TDRD3: variants seen among roughly 807,000 people sequenced by gnomAD.
TDRD3 encodes tudor domain-containing protein 3.
TDRD3 carries 45 observed loss-of-function variants against 86.7 expected under a neutral mutation model. That is an observed-to-expected ratio of 0.52 (90% CI 0.41 to 0.67). TDRD3 has a LOEUF of 0.67. Ranked by LOEUF, TDRD3 falls within the 30% of genes least tolerant of loss-of-function variation. TDRD3 has a pLI of 0.00. For missense variants in TDRD3, 814 were observed against 889.0 expected, an observed-to-expected ratio of 0.92 and a Z score of 1.07; for synonymous variants, 298 against 301.7, an observed-to-expected ratio of 0.99 and a Z score of 0.13.
Position 60,529,142 on chromosome 13 carries a change from A to G in TDRD3, c.1917A>G (p.Ser639=), listed in dbSNP as rs534400169. The change falls in exon 11 of 14, where the codon TCA becomes TCG. Residue 639 remains serine, a synonymous_variant. Transcript: ENST00000377881. ...GPIKPEKILE[S]SIPMEYAKMW... is the part of the protein sequence containing the mutation. ...TTAAGCCAGAAAAAATACTAGAATC[A>G]TCTATTCCTATGGAGTATGCAAAAA... The G allele has an allele frequency of 3.7e-6, 6 of 1,613,870 alleles. No individual in the cohort carries two copies. The South Asian group carries it at 5.5e-5, about 15-fold the overall frequency.
chr13:60,460,100 T>A (rs1200157621), intron 3 of TDRD3, among the ~76,000 whole-genome samples: 1 of 152,204 alleles, frequency 6.6e-6, no homozygotes, highest in Non-Finnish European at 1.5e-5. Context: ...GAAATATAAC[T>A]GTTTTCCTAG....
At chr13:60,553,396 G>T (rs951764881) in intron 12 of TDRD3, among the ~76,000 whole-genome samples, 4 of 151,970 alleles carry the variant, frequency 2.6e-5, no homozygotes, top group Non-Finnish European at 5.9e-5. Flanking sequence ...CCTCCAAACT[G>T]TTGTATCCTC....
chr13:60,540,724 T>G (rs984966987), intron 12 of TDRD3, among the ~76,000 whole-genome samples: 25 of 152,188 alleles, frequency 1.6e-4, no homozygotes, highest in African/African-American at 5.8e-4. Flanking sequence ...AAAGTATTGT[T>G]TGAATTCTAA....
intron 5 of TDRD3, among the ~76,000 whole-genome samples, chr13:60,480,002 GGGTCAATATT>G (rs1389509874): frequency 6.6e-6 from 1 of 152,060 alleles, no homozygotes; most frequent in Non-Finnish European, 1.5e-5. Flanking sequence ...TTTACATTCA[GGGTCAATATT>G]GATATGTTAG....
chr13:60,498,348 A>G (rs1295851279), intron 8 of TDRD3, among the ~76,000 whole-genome samples: 1 of 152,176 alleles, frequency 6.6e-6, no homozygotes, highest in East Asian at 1.9e-4. Flanking sequence ...ATTGGATCCC[A>G]AGGTGGCAGG....
chr13:60,571,638 A>G (rs1207845546), intron 13 of TDRD3, among the ~76,000 whole-genome samples: 2 of 152,222 alleles, frequency 1.3e-5, no homozygotes, highest in African/African-American at 4.8e-5. Context: ...AGTGTTTATT[A>G]AATCAGTATG....
At position 60,528,643 on chromosome 13, in the gene TDRD3, C is replaced by G. The variant is rs201037022; in HGVS notation, c.1418C>G (p.Pro473Arg). Residue 473 changes from proline (P) to arginine (R), a missense_variant, in exon 11 of 14, where the codon CCG becomes CGG. Transcript: ENST00000377881. ...WAEDRIKCDR[P>R]YSRYDRTKDT... ...GAAGACAGAATCAAATGTGATAGAC[C>G]GTATTCTAGATATGACAGAACTAAA... 2 of 1,613,768 alleles carry G rather than the reference C, an allele frequency of 1.2e-6. No homozygotes were observed. The highest frequency in any genetic ancestry group is 1.7e-6 in the Non-Finnish European group (2 of 1,179,874).
chr13:60,463,914 A>G (rs1487488910), intron 4 of TDRD3, among the ~76,000 whole-genome samples: 3 of 152,172 alleles, frequency 2.0e-5, no homozygotes, highest in Non-Finnish European at 4.4e-5. Flanking sequence ...GGTGGGGCCT[A>G]GTGGGAAGTA....
At chr13:60,446,142 C>G (rs1324698567) in intron 3 of TDRD3, among the ~76,000 whole-genome samples, 1 of 152,158 alleles carries the variant, frequency 6.6e-6, no homozygotes, top group Non-Finnish European at 1.5e-5. Flanking sequence ...TGCTCTTCCT[C>G]ATTGATTATA....
At chr13:60,546,999 AT>A (rs1322797000) in intron 12 of TDRD3, among the ~76,000 whole-genome samples, 3 of 152,182 alleles carry the variant, frequency 2.0e-5, no homozygotes, top group Admixed American at 6.5e-5. Flanking sequence ...ATGTCTTAAT[AT>A]TTTTAATAGA....
At chr13:60,416,458 A>C (rs1161153749) in intron 1 of TDRD3, among the ~76,000 whole-genome samples, 1 of 152,222 alleles carries the variant, frequency 6.6e-6, no homozygotes, top group East Asian at 1.9e-4. Flanking sequence ...TGTATTTAAA[A>C]CATTCATTTA....
chr13:60,500,017 G>A (rs1956799814), intron 8 of TDRD3, among the ~76,000 whole-genome samples: 1 of 152,342 alleles, frequency 6.6e-6, no homozygotes, highest in East Asian at 1.9e-4. Context: ...CAGTGGCACA[G>A]ATGCTAGTTG....
chr13:60,565,827 A>G (rs974001793), intron 12 of TDRD3, among the ~76,000 whole-genome samples: 4 of 152,214 alleles, frequency 2.6e-5, no homozygotes, highest in African/African-American at 7.2e-5. Context: ...AAAATCATTC[A>G]GAACACTGAC....
At chr13:60,565,842 ATAATAATAAATAAC>A (rs1343273747) in intron 12 of TDRD3, among the ~76,000 whole-genome samples, 1 of 152,208 alleles carries the variant, frequency 6.6e-6, no homozygotes, top group Non-Finnish European at 1.5e-5. Context: ...ACTGACCAGA[ATAATAATAAATAAC>A]TTCTTTCCTG....
intron 10 of TDRD3, among the ~76,000 whole-genome samples, chr13:60,525,600 A>C (rs1236533020): frequency 6.6e-6 from 1 of 152,180 alleles, no homozygotes; most frequent in African/African-American, 2.4e-5. Context: ...CTGTAGTCTA[A>C]TGTACATCAT....
chr13:60,510,604 C>T, intron 9 of TDRD3, 26 bp from the exon 10 acceptor site: 1 of 1,574,274 alleles, frequency 6.4e-7, no homozygotes, highest in Non-Finnish European at 8.6e-7. Context: ...ATATACAGTA[C>T]ATATTTCTTG....
chr13:60,516,451 T>C (rs918011459), intron 10 of TDRD3, among the ~76,000 whole-genome samples: 1 of 152,236 alleles, frequency 6.6e-6, no homozygotes, highest in Admixed American at 6.5e-5. Flanking sequence ...AGTTGACGTT[T>C]TTATTAATAT....
chr13:60,483,709 A>G (rs1488057728), intron 5 of TDRD3, 66 bp from the exon 6 acceptor site: 13 of 1,461,840 alleles, frequency 8.9e-6, no homozygotes, highest in Non-Finnish European at 1.0e-5. Flanking sequence ...TTCCTGTTAC[A>G]TTATAAATGC....
chr13:60,435,296 G>T (rs1237365622), intron 1 of TDRD3, among the ~76,000 whole-genome samples: 3 of 151,606 alleles, frequency 2.0e-5, no homozygotes, highest in Non-Finnish European at 4.4e-5. Context: ...TAGTTTTTTT[G>T]GGTACAGGTG....
Sources: allele counts gnomAD v4.1 joint callset (sites outside exome capture counted in the v4.1 genomes callset), GRCh38; gene constraint gnomAD v4.1.1; transcripts MANE v1.5; gene names NCBI Gene and HGNC (gene_info 2026-07-23, HGNC 2026-07-21).